Variants in RAPGEF6 observed in about 807,000 individuals in gnomAD.
RAPGEF6 encodes the protein Rap guanine nucleotide exchange factor 6.
In RAPGEF6, 56 loss-of-function variants were observed where a neutral mutation model predicts 171.4. That is an observed-to-expected ratio of 0.33 (90% CI 0.26 to 0.41). RAPGEF6 has a LOEUF of 0.41. Ranked by LOEUF, RAPGEF6 falls within the 10% of genes least tolerant of loss-of-function variation. The pLI, the probability that RAPGEF6 is intolerant of heterozygous loss-of-function variation, is 1.00. For synonymous variants in RAPGEF6, 692 were observed against 650.1 expected (o/e 1.06, Z -0.98); for missense variants, 1,674 against 1,921.4 (o/e 0.87, Z 2.41).
At chr5:131,506,949 T>C (rs1757408941) in intron 9 of RAPGEF6, among the ~76,000 whole-genome samples, 1 of 151,478 alleles carries the variant, frequency 6.6e-6, no homozygotes, top group South Asian at 2.1e-4. Context: ...TTGGGGGGAG[T>C]CCATCCTCTA....
rs184579885 is a variant in RAPGEF6, at chr5:131,542,371, C to G, written c.495+5676G>C. 5.2e-3 allele frequency among the ~76,000 whole-genome samples: 798 copies of G among 152,204 alleles called. 5 individuals carry two copies. Among genetic ancestry groups the G allele is most frequent in the African/African-American group, 0.018 (759 of 41,530 alleles). On this transcript the variant is annotated intron_variant, in intron 6 of 27. Transcript: ENST00000509018. ...GGCAGAGCCCTTTTTTATATATTAT[C>G]TCATTTAATCCTTTTACAAATCTAT...
chr5:131,479,534 A>T lies in RAPGEF6; in HGVS notation c.2060T>A (p.Ile687Asn), dbSNP rs1755328033. The change falls in exon 16 of 28, where the codon ATC (isoleucine) becomes AAC (asparagine). Residue 687 changes from isoleucine (I) to asparagine (N), a missense_variant. Coordinates refer to ENST00000509018, the MANE Select transcript of RAPGEF6 (RefSeq NM_016340.6). ...RKILDKTRFSILPPKLFSDGG... is the reference protein window; with the variant it reads ...RKILDKTRFSNLPPKLFSDGG... ...CTACCTAAATAGCTTTGGAGGCAAG[A>T]TACTAAATCGTGTTTTATCCAAAAT... 1.2e-6 allele frequency: 2 copies of T among 1,613,928 alleles called. No individual in the cohort carries two copies. Among genetic ancestry groups the T allele is most frequent in the Non-Finnish European group, 1.7e-6 (2 of 1,179,988 alleles).
chr5:131,496,944 T>C (rs2149879159), intron 12 of RAPGEF6, among the ~76,000 whole-genome samples: 1 of 152,026 alleles, frequency 6.6e-6, no homozygotes, highest in South Asian at 2.1e-4. Context: ...TCCACAGAGG[T>C]AATACCATTT....
At chr5:131,489,026 G>A (rs1580905519) in intron 15 of RAPGEF6, among the ~76,000 whole-genome samples, 1 of 152,308 alleles carries the variant, frequency 6.6e-6, no homozygotes, top group Non-Finnish European at 1.5e-5. Flanking sequence ...CAGAGGCACT[G>A]TAATCATTTT....
chr5:131,574,090 G>A (rs1219190355), intron 4 of RAPGEF6, among the ~76,000 whole-genome samples: 1 of 152,094 alleles, frequency 6.6e-6, no homozygotes, highest in East Asian at 1.9e-4. Context: ...GAACATCCAA[G>A]CCACAGCTCC....
At chr5:131,443,402 A>C (rs1009576468) in intron 22 of RAPGEF6, among the ~76,000 whole-genome samples, 6 of 152,100 alleles carry the variant, frequency 3.9e-5, no homozygotes, top group Non-Finnish European at 8.8e-5. Flanking sequence ...AATCCATGTT[A>C]ATTAGCTCCA....
intron 4 of RAPGEF6, among the ~76,000 whole-genome samples, chr5:131,575,412 G>A (rs1050333185): frequency 2.0e-5 from 3 of 152,050 alleles, no homozygotes; most frequent in Non-Finnish European, 2.9e-5. Flanking sequence ...GAAGTATCGC[G>A]TATCCCCCTC....
At chr5:131,553,334 T>C (rs1258990722) in intron 5 of RAPGEF6, among the ~76,000 whole-genome samples, 1 of 152,208 alleles carries the variant, frequency 6.6e-6, no homozygotes, top group Non-Finnish European at 1.5e-5. Context: ...TGTGTTCATC[T>C]CTAGGCTTAA....
chr5:131,449,280 G>A (rs1228634329), intron 21 of RAPGEF6, among the ~76,000 whole-genome samples: 1 of 152,186 alleles, frequency 6.6e-6, no homozygotes, highest in Non-Finnish European at 1.5e-5. Context: ...AATAGTGTCA[G>A]TTGCTGATTC....
chr5:131,513,935 G>A (rs1324144264), intron 7 of RAPGEF6, among the ~76,000 whole-genome samples: 1 of 152,104 alleles, frequency 6.6e-6, no homozygotes, highest in Non-Finnish European at 1.5e-5. Flanking sequence ...GGCTGAGGTG[G>A]GAGGATTGCT....
intron 1 of RAPGEF6, among the ~76,000 whole-genome samples, chr5:131,607,716 G>A (rs1000056777): frequency 9.9e-5 from 15 of 152,024 alleles, no homozygotes; most frequent in African/African-American, 3.4e-4. Flanking sequence ...ACACACATGC[G>A]GCTCCAGAAA....
chr5:131,548,919 C>T (rs757606796), intron 5 of RAPGEF6, among the ~76,000 whole-genome samples: 2 of 152,068 alleles, frequency 1.3e-5, no homozygotes, highest in Non-Finnish European at 2.9e-5. Flanking sequence ...AAAAAATAAG[C>T]CAGGCATGGT....
At chr5:131,531,026 T>C (rs1394872483) in intron 6 of RAPGEF6, among the ~76,000 whole-genome samples, 1 of 152,214 alleles carries the variant, frequency 6.6e-6, no homozygotes, top group Non-Finnish European at 1.5e-5. Context: ...TAGGCTTCTT[T>C]TCATCTATTT....
rs1753943473 is a variant in RAPGEF6 at position 131,461,661 on chromosome 5, T to C, written c.2864+44A>G. 4.0e-6 allele frequency: 6 copies of C among 1,517,196 alleles called. No individual in the cohort carries two copies. In the East Asian group the frequency reaches 9.1e-5, roughly 23 times the overall value. 94.0% of individuals were successfully genotyped at this position (1,517,196 alleles called of 1,614,324 possible). On this transcript the variant is annotated intron_variant, in intron 19 of 27. Transcript: ENST00000509018. ...TAAGTAGAAAATCAGCTGCATGTAA[T>C]GACAAAACCATACAGACATTTGTAC...
rs1033290940 is a variant in RAPGEF6 at position 131,498,722 on chromosome 5, A to G, written c.1255-115T>C. ...TCCATTAGACAAATCGTCAAAGTACAGTTTCGCCTTTAAATCCTTAGCGCT... is the reference window on the plus strand; with the variant it reads ...TCCATTAGACAAATCGTCAAAGTACGGTTTCGCCTTTAAATCCTTAGCGCT... On this transcript the variant is annotated intron_variant, in intron 11 of 27. Coordinates refer to ENST00000509018, the MANE Select transcript of RAPGEF6 (RefSeq NM_016340.6). The G allele has an allele frequency of 6.2e-6, 6 of 974,334 alleles. No individual in the cohort carries two copies. The African/African-American group carries it at 1.0e-4, about 16-fold the overall frequency. The allele number at this position is 974,334 out of a possible 1,614,324, so 60.4% of individuals were successfully genotyped here. A position where few individuals can be genotyped will look rare whatever the true frequency, so the allele number is the denominator to read the frequency against.
intron 6 of RAPGEF6, among the ~76,000 whole-genome samples, chr5:131,544,273 C>A (rs868653918): frequency 1.3e-5 from 2 of 152,126 alleles, no homozygotes; most frequent in African/African-American, 4.8e-5. Flanking sequence ...GCTTTATTTG[C>A]AATTGCCCAA....
chr5:131,484,491 AG>A (rs1755735762), intron 15 of RAPGEF6, among the ~76,000 whole-genome samples: 1 of 152,106 alleles, frequency 6.6e-6, no homozygotes, highest in Admixed American at 6.5e-5. Flanking sequence ...CTGGGATTAC[AG>A]GCGTGAGCCA....
At chr5:131,533,259 A>AC (rs1759531726) in intron 6 of RAPGEF6, among the ~76,000 whole-genome samples, 1 of 151,816 alleles carries the variant, frequency 6.6e-6, no homozygotes, top group Non-Finnish European at 1.5e-5. Context: ...AAATTCTTTA[A>AC]GAAAAAAATT....
chr5:131,532,020 C>T (rs775301517), intron 6 of RAPGEF6: 14 of 343,400 alleles, frequency 4.1e-5, no homozygotes, highest in Non-Finnish European at 7.4e-5. Flanking sequence ...TAGAAAAGAG[C>T]GCAATAAAGC....
Sources: gnomAD v4.1 joint callset for allele counts (sites outside exome capture counted in the v4.1 genomes callset) on GRCh38, gnomAD v4.1.1 for gene constraint, MANE v1.5 for transcripts, NCBI Gene and HGNC (gene_info 2026-07-23, HGNC 2026-07-21) for gene names.